The following PXDN variants were observed in gnomAD, a reference collection of about 807,000 sequenced individuals.
PXDN encodes the protein peroxidasin.
In PXDN, 77 loss-of-function variants were observed where a neutral mutation model predicts 140.3. The observed-to-expected ratio is 0.55, with a 90% CI of 0.46 to 0.66. PXDN has a LOEUF of 0.66. Ranked by LOEUF, PXDN falls within the 30% of genes least tolerant of loss-of-function variation. The pLI is 0.00. For synonymous variants in PXDN, 911 were observed against 857.4 expected (o/e 1.06, Z -1.09); for missense variants, 1,838 against 2,039.5 (o/e 0.90, Z 1.90).
At chr2:1,682,848 G>A (rs546805232) in intron 6 of PXDN, among the ~76,000 whole-genome samples, 1 of 151,874 alleles carries the variant, frequency 6.6e-6, no homozygotes, top group Non-Finnish European at 1.5e-5. Flanking sequence ...GCTGAGGCAC[G>A]AGAATTGCTT....
chr2:1,717,047 C>T (rs1015774934), intron 1 of PXDN, among the ~76,000 whole-genome samples: 1 of 152,216 alleles, frequency 6.6e-6, no homozygotes, highest in African/African-American at 2.4e-5. Flanking sequence ...CAACACTCCC[C>T]ATTTTTAACT....
In PXDN at chr2:1,634,150, C is replaced by T. The variant is rs1682484900; in HGVS notation, c.*54G>A. 2 of 1,544,082 alleles carry T rather than the reference C, an allele frequency of 1.3e-6. No homozygotes were observed. Among genetic ancestry groups the T allele is most frequent in the East Asian group, 2.5e-5 (1 of 40,766 alleles). On this transcript the variant is annotated 3_prime_UTR_variant, in exon 23 of 23. Transcript: ENST00000252804. Reference sequence around the variant, plus strand: ...GCAGTCCGCAGCTCCCTGCCATCGGCCACCCGATCTCACGATGGCACAGCA... The same window carrying T: ...GCAGTCCGCAGCTCCCTGCCATCGGTCACCCGATCTCACGATGGCACAGCA...
chr2:1,655,624 C>G (rs1008703179), intron 14 of PXDN, among the ~76,000 whole-genome samples: 3 of 151,438 alleles, frequency 2.0e-5, no homozygotes, highest in African/African-American at 7.3e-5. Context: ...TTACTGGGAT[C>G]TGCCCCTCCT....
intron 1 of PXDN, among the ~76,000 whole-genome samples, chr2:1,742,099 G>A (rs1685557576): frequency 6.6e-6 from 1 of 152,212 alleles, no homozygotes; most frequent in Admixed American, 6.5e-5. Context: ...TCACGCGGCT[G>A]CAATGCATCC....
chr2:1,642,766 T>G (rs2125406359), intron 19 of PXDN, among the ~76,000 whole-genome samples: 1 of 152,346 alleles, frequency 6.6e-6, no homozygotes, highest in African/African-American at 2.4e-5. Context: ...AGCAGGCCAC[T>G]GACGCCTCTG....
intron 1 of PXDN, among the ~76,000 whole-genome samples, chr2:1,717,044 C>A (rs1251818308): frequency 6.6e-6 from 1 of 152,200 alleles, no homozygotes; most frequent in African/African-American, 2.4e-5. Flanking sequence ...GCTCAACACT[C>A]CCCATTTTTA....
Position 1,648,794 on chromosome 2 carries a change from T to C in PXDN, c.2986A>G (p.Asn996Asp), listed in dbSNP as rs770784952. 1 of 1,603,666 alleles carries C rather than the reference T, an allele frequency of 6.2e-7. No homozygotes were observed. Among genetic ancestry groups the C allele is most frequent in the East Asian group, 2.3e-5 (1 of 44,368 alleles). Residue 996 changes from asparagine (N) to aspartate (D), a missense_variant, in exon 17 of 23, where the codon AAC (asparagine) becomes GAC (aspartate). Around this residue, in one of 5 missense-constraint regions of PXDN, gnomAD observed 850 missense variants for 894.1 expected, o/e 0.95. Transcript: ENST00000252804. The surrounding 1 kb of genome is among the most constrained non-coding windows in gnomAD (Gnocchi z 8.9). ...SMHTLWFREH[N>D]RIATELLKLN... Reference sequence around the variant, plus strand: ...TTGAGCAGCTCCGTGGCAATGCGGTTGTGCTCGCGGAACCACAGCGTGTGC... The same window carrying C: ...TTGAGCAGCTCCGTGGCAATGCGGTCGTGCTCGCGGAACCACAGCGTGTGC...
chr2:1,741,610 G>A (rs1033598248), intron 1 of PXDN, among the ~76,000 whole-genome samples: 2 of 152,166 alleles, frequency 1.3e-5, no homozygotes, highest in African/African-American at 4.8e-5. Flanking sequence ...AGGGGAAGGA[G>A]CAATAAGATG....
rs531898678 is a variant in PXDN, at chr2:1,651,358, G to A, written c.2105-1683C>T. 9.9e-5 allele frequency among the ~76,000 whole-genome samples: 15 copies of A among 152,278 alleles called. No homozygotes were observed. The East Asian group carries it at 2.9e-3, about 29-fold the overall frequency. On this transcript the variant is annotated intron_variant, in intron 16 of 22. Coordinates refer to ENST00000252804, the MANE Select transcript of PXDN (RefSeq NM_012293.3). The surrounding 1 kb of genome is among the most constrained non-coding windows in gnomAD (Gnocchi z 4.4). Reference sequence around the variant, plus strand: ...CCCGCCAACCAGAGCAGGTGGCACCGACCCTGGCCCCAGTTTCCCAGGACT... The same window carrying A: ...CCCGCCAACCAGAGCAGGTGGCACCAACCCTGGCCCCAGTTTCCCAGGACT...
At chr2:1,679,921 G>T (rs1317919517) in intron 7 of PXDN, among the ~76,000 whole-genome samples, 2 of 109,744 alleles carry the variant, frequency 1.8e-5, no homozygotes, top group Admixed American at 2.0e-4. Context: ...TGTGTGTGTG[G>T]ATGGTGTGTG....
intron 1 of PXDN, among the ~76,000 whole-genome samples, chr2:1,719,436 C>T (rs1301993909): frequency 1.3e-5 from 2 of 152,200 alleles, no homozygotes; most frequent in Middle Eastern, 3.2e-3. Flanking sequence ...CTTGAGGGTA[C>T]ATGGAACCTA....
intron 1 of PXDN, among the ~76,000 whole-genome samples, chr2:1,731,237 T>C (rs1685308207): frequency 6.6e-6 from 1 of 151,738 alleles, no homozygotes; most frequent in Non-Finnish European, 1.5e-5. Flanking sequence ...CTATTAAACT[T>C]TGGGACAGCT....
chr2:1,661,995 A>C (rs1683315691), intron 13 of PXDN, 77 bp downstream of exon 13: 1 of 1,320,612 alleles, frequency 7.6e-7, no homozygotes, highest in African/African-American at 1.5e-5. Flanking sequence ...ACCTTGCTCC[A>C]GGTAGTGGGT....
intron 21 of PXDN, chr2:1,635,802 A>T (rs1238966387): frequency 6.9e-6 from 3 of 432,148 alleles, no homozygotes; most frequent in Non-Finnish European, 1.3e-5. Context: ...AGATTCAACC[A>T]GATGACGAGA....
intron 14 of PXDN, among the ~76,000 whole-genome samples, chr2:1,656,018 CAGAT>C (rs1342792688): frequency 1.3e-5 from 2 of 151,832 alleles, no homozygotes; most frequent in Non-Finnish European, 2.9e-5. Flanking sequence ...ACTATACACA[CAGAT>C]ACACACTACA....
chr2:1,679,183 T>C (rs1442891723), intron 7 of PXDN, among the ~76,000 whole-genome samples: 1 of 150,254 alleles, frequency 6.7e-6, no homozygotes, highest in Non-Finnish European at 1.5e-5. Flanking sequence ...GGTGTGTGCG[T>C]GTATGTGCGT....
At chr2:1,644,408 T>A (rs1354320969) in intron 18 of PXDN, among the ~76,000 whole-genome samples, 1 of 152,122 alleles carries the variant, frequency 6.6e-6, no homozygotes, top group East Asian at 1.9e-4. Context: ...CCTGGTGTGG[T>A]TGAGTTTTGA....
At chr2:1,670,476 G>A (rs1453064434) in intron 9 of PXDN, among the ~76,000 whole-genome samples, 1 of 152,158 alleles carries the variant, frequency 6.6e-6, no homozygotes, top group Non-Finnish European at 1.5e-5. Flanking sequence ...TTGAGCGGAT[G>A]ACGAAAAGAG....
chr2:1,737,334 G>T (rs1336355600), intron 1 of PXDN, among the ~76,000 whole-genome samples: 1 of 152,078 alleles, frequency 6.6e-6, no homozygotes, highest in Non-Finnish European at 1.5e-5. Context: ...AATGAACACA[G>T]CAGTGATGAC....
Sources: gnomAD v4.1 joint callset for allele counts (sites outside exome capture counted in the v4.1 genomes callset) on GRCh38, gnomAD v4.1.1 for gene constraint, gnomAD v4.1.1 regional missense constraint, Gnocchi (gnomAD v3.1) non-coding constraint, MANE v1.5 for transcripts, NCBI Gene and HGNC (gene_info 2026-07-23, HGNC 2026-07-21) for gene names.